CCDC171: variants seen among roughly 807,000 people sequenced by gnomAD.
CCDC171 encodes the protein coiled-coil domain-containing protein 171.
CCDC171 carries 177 observed loss-of-function variants against 168.2 expected under a neutral mutation model. The observed-to-expected ratio is 1.05, with a 90% CI of 0.93 to 1.19. The LOEUF (loss-of-function observed/expected upper bound fraction) is 1.19. Among genes scored for constraint, CCDC171 ranks in the 50% most tolerant of loss-of-function variants. CCDC171 has a pLI of 0.00. For synonymous variants in CCDC171, 687 were observed against 540.8 expected, an observed-to-expected ratio of 1.27 and a Z score of -3.75; for missense variants, 1,991 against 1,539.0, an observed-to-expected ratio of 1.29 and a Z score of -4.91.
At chr9:15,758,900 A>G (rs888847892) in intron 18 of CCDC171, among the ~76,000 whole-genome samples, 3 of 152,118 alleles carry the variant, frequency 2.0e-5, no homozygotes, top group Admixed American at 2.0e-4. Context: ...AGCCATGTGG[A>G]ACTATAAGTG....
At chr9:15,905,980 C>T (rs1172758987) in intron 24 of CCDC171, among the ~76,000 whole-genome samples, 2 of 152,072 alleles carry the variant, frequency 1.3e-5, no homozygotes, top group Non-Finnish European at 2.9e-5. Flanking sequence ...CAGGAAGAAG[C>T]TGAATCTCTG....
At chr9:15,741,611 A>G (rs1446864065) in intron 16 of CCDC171, among the ~76,000 whole-genome samples, 1 of 151,992 alleles carries the variant, frequency 6.6e-6, no homozygotes, top group East Asian at 1.9e-4. Flanking sequence ...ATTTTTTTGT[A>G]TGTTAATTTA....
the CCDC171 span, among the ~76,000 whole-genome samples, chr9:16,106,277 C>T: frequency 7.2e-5 from 11 of 152,154 alleles, no homozygotes; most frequent in Non-Finnish European, 1.0e-4. Flanking sequence ...AATTATTTGC[C>T]CAAACAAAAG....
chr9:15,861,423 C>A (rs886653768), intron 23 of CCDC171, among the ~76,000 whole-genome samples: 1 of 151,754 alleles, frequency 6.6e-6, no homozygotes. Context: ...CCTTAGTGCA[C>A]AGTTCTTAGT....
chr9:16,011,287 G>A (rs937282258), intron 3 of CCDC171, among the ~76,000 whole-genome samples: 6 of 152,134 alleles, frequency 3.9e-5, no homozygotes, highest in African/African-American at 9.7e-5. Context: ...GTTCCTGAGA[G>A]AATCACCTAT....
chr9:15,708,852 T>G (rs1295758150), intron 11 of CCDC171, among the ~76,000 whole-genome samples: 1 of 152,232 alleles, frequency 6.6e-6, no homozygotes, highest in African/African-American at 2.4e-5. Context: ...CTTCAGATAT[T>G]GATCTTAGAG....
the CCDC171 span, among the ~76,000 whole-genome samples, chr9:16,072,446 C>G: frequency 6.6e-6 from 1 of 152,226 alleles, no homozygotes; most frequent in East Asian, 1.9e-4. Flanking sequence ...CAAATGACCT[C>G]TGTTCTCCTT....
At chr9:15,810,308 C>G (rs1016859949) in intron 21 of CCDC171, among the ~76,000 whole-genome samples, 1 of 152,238 alleles carries the variant, frequency 6.6e-6, no homozygotes, top group Admixed American at 6.5e-5. Context: ...CAAGTCCCCA[C>G]CCGACTCAGG....
intron 11 of CCDC171, among the ~76,000 whole-genome samples, chr9:15,711,932 C>A (rs1427729074): frequency 6.6e-6 from 1 of 152,204 alleles, no homozygotes; most frequent in Non-Finnish European, 1.5e-5. Context: ...ATGGTTCCAT[C>A]TCTGGCGAGG....
chr9:15,764,734 A>T (rs2056630092), intron 18 of CCDC171, among the ~76,000 whole-genome samples: 2 of 152,220 alleles, frequency 1.3e-5, no homozygotes, highest in Admixed American at 1.3e-4. Context: ...TGCTCTCAGT[A>T]TAAGTGTTAT....
chr9:15,862,911 G>A (rs1416499726), intron 23 of CCDC171, among the ~76,000 whole-genome samples: 1 of 152,168 alleles, frequency 6.6e-6, no homozygotes, highest in East Asian at 1.9e-4. Flanking sequence ...TTGGAATGTT[G>A]TATGTATGGC....
At chr9:15,962,709 T>TA (rs951642906) in intron 25 of CCDC171, among the ~76,000 whole-genome samples, 11 of 152,060 alleles carry the variant, frequency 7.2e-5, no homozygotes, top group African/African-American at 2.7e-4. Flanking sequence ...ATTTTAAAGA[T>TA]AAAAAATCAT....
At chr9:15,796,360 A>G (rs1034840267) in intron 21 of CCDC171, among the ~76,000 whole-genome samples, 2 of 152,202 alleles carry the variant, frequency 1.3e-5, no homozygotes, top group South Asian at 2.1e-4. Context: ...CAGATTTAAT[A>G]AAAGAATGAA....
chr9:15,568,608 T>TG (rs1213121861), intron 2 of CCDC171, among the ~76,000 whole-genome samples: 2 of 152,224 alleles, frequency 1.3e-5, no homozygotes, highest in Non-Finnish European at 2.9e-5. Flanking sequence ...TTCTGACTGG[T>TG]GTGAGATGGT....
chr9:15,638,735 T>C (rs1490911320), intron 7 of CCDC171, among the ~76,000 whole-genome samples: 4 of 151,846 alleles, frequency 2.6e-5, no homozygotes, highest in Non-Finnish European at 5.9e-5. Flanking sequence ...CTTAATCATC[T>C]TAACATGGAT....
At chr9:15,899,185 TG>T (rs1821310612) in intron 24 of CCDC171, among the ~76,000 whole-genome samples, 2 of 152,288 alleles carry the variant, frequency 1.3e-5, no homozygotes, top group East Asian at 3.9e-4. Context: ...AATAGTTTAT[TG>T]GTGACTTGTT....
intron 21 of CCDC171, among the ~76,000 whole-genome samples, chr9:15,811,143 C>A (rs1032937271): frequency 6.6e-6 from 1 of 152,212 alleles, no homozygotes; most frequent in Non-Finnish European, 1.5e-5. Context: ...GAGAAACTTA[C>A]CTGCAATATT....
chr9:15,612,213 C>T (rs1452734371), intron 6 of CCDC171, among the ~76,000 whole-genome samples: 1 of 152,176 alleles, frequency 6.6e-6, no homozygotes, highest in African/African-American at 2.4e-5. Context: ...CATTGTGCCT[C>T]CAAATTCTGA....
At chr9:15,904,495 C>T (rs1202301251) in intron 24 of CCDC171, among the ~76,000 whole-genome samples, 9 of 151,584 alleles carry the variant, frequency 5.9e-5, no homozygotes, top group Non-Finnish European at 1.0e-4. Context: ...CACCACCAGG[C>T]CTGCCCTAAA....
Sources: gnomAD v4.1 joint callset for allele counts (sites outside exome capture counted in the v4.1 genomes callset) on GRCh38, gnomAD v4.1.1 for gene constraint, MANE v1.5 for transcripts, NCBI Gene and HGNC (gene_info 2026-07-23, HGNC 2026-07-21) for gene names.